Variants in CDKAL1 observed in about 807,000 individuals in gnomAD.
CDKAL1 encodes the protein threonylcarbamoyladenosine tRNA methylthiotransferase.
A neutral mutation model predicts 68.2 loss-of-function variants in CDKAL1; 32 were observed. The observed-to-expected ratio is 0.47, with a 90% CI of 0.35 to 0.63. CDKAL1 has a LOEUF of 0.63. CDKAL1 is among the 30% of genes least tolerant of loss of function. The probability of loss-of-function intolerance (pLI) is 0.00; values close to 1 mark genes in which losing one functional copy is unlikely to be tolerated. For synonymous variants in CDKAL1, 234 were observed against 244.3 expected (o/e 0.96, Z 0.39); for missense variants, 606 against 696.7 (o/e 0.87, Z 1.47).
At chr6:20,572,338 C>T (rs774603951) in intron 4 of CDKAL1, among the ~76,000 whole-genome samples, 1 of 152,166 alleles carries the variant, frequency 6.6e-6, no homozygotes, top group Non-Finnish European at 1.5e-5. Flanking sequence ...GTAACACATA[C>T]ATTTTAATGA....
rs764921425 is a variant in CDKAL1 at position 21,028,025 on chromosome 6, G to T, written c.1055+27653G>T. 9.2e-4 allele frequency among the ~76,000 whole-genome samples: 140 copies of T among 152,114 alleles called. 1 individual carries two copies. The highest frequency in any genetic ancestry group is 1.6e-4 in the Non-Finnish European group (11 of 68,028). ...TGGACTAAACACAGGAACTGAGGAG[G>T]AGTCAGAGAATCCAAGAACAAGGCA... On this transcript the variant is annotated intron_variant, in intron 11 of 15. Coordinates refer to ENST00000274695, the MANE Select transcript of CDKAL1 (RefSeq NM_017774.3).
chr6:20,563,385 A>G (rs1764339878), intron 4 of CDKAL1, among the ~76,000 whole-genome samples: 1 of 150,006 alleles, frequency 6.7e-6, no homozygotes, highest in Non-Finnish European at 1.5e-5. Flanking sequence ...CTAAGATCAA[A>G]ATTAAGCCAG....
intron 8 of CDKAL1, among the ~76,000 whole-genome samples, chr6:20,804,017 AT>A (rs1269242814): frequency 6.6e-6 from 1 of 152,198 alleles, no homozygotes. Context: ...TATTTATATC[AT>A]TGGTCAACAA....
chr6:20,868,658 G>A (rs565120372), intron 9 of CDKAL1, among the ~76,000 whole-genome samples: 3 of 152,344 alleles, frequency 2.0e-5, no homozygotes, highest in African/African-American at 4.8e-5. Context: ...GCGGAGGACC[G>A]AGGTTTGTTG....
At chr6:20,950,936 C>G (rs1368155523) in intron 9 of CDKAL1, among the ~76,000 whole-genome samples, 1 of 150,282 alleles carries the variant, frequency 6.7e-6, no homozygotes, top group African/African-American at 2.5e-5. Context: ...TGCCATTGCA[C>G]TCCAGCCTGG....
At chr6:20,568,705 A>G (rs1422134823) in intron 4 of CDKAL1, among the ~76,000 whole-genome samples, 1 of 147,094 alleles carries the variant, frequency 6.8e-6, no homozygotes, top group East Asian at 2.0e-4. Flanking sequence ...ACTGCACTCC[A>G]GCCTGGGCGA....
In CDKAL1 at chr6:21,054,758, T is replaced by G. The variant is rs567067407; in HGVS notation, c.1056-10290T>G. 5.5e-4 allele frequency among the ~76,000 whole-genome samples: 83 copies of G among 152,272 alleles called. 3 individuals are homozygous for G. Among genetic ancestry groups the G allele is most frequent in the African/African-American group, 1.9e-3 (78 of 41,584 alleles). On this transcript the variant is annotated intron_variant, in intron 11 of 15. Transcript: ENST00000274695. ...TGGAATTGGATTCTTGATTTCATTTTCAGGTTGTTCATTACTAGTATAAAA... is the reference window on the plus strand; with the variant it reads ...TGGAATTGGATTCTTGATTTCATTTGCAGGTTGTTCATTACTAGTATAAAA...
chr6:20,650,957 C>T (rs779308326), intron 5 of CDKAL1, among the ~76,000 whole-genome samples: 2 of 152,102 alleles, frequency 1.3e-5, no homozygotes, highest in Admixed American at 6.5e-5. Context: ...GTTACTGTAG[C>T]CTTGTAGTAT....
intron 15 of CDKAL1, among the ~76,000 whole-genome samples, chr6:21,216,920 G>A (rs917388777): frequency 2.0e-5 from 3 of 152,160 alleles, no homozygotes; most frequent in African/African-American, 4.8e-5. Context: ...TGGCCAGAGT[G>A]TACAGCTCCC....
intron 11 of CDKAL1, among the ~76,000 whole-genome samples, chr6:21,027,078 C>T (rs528968541): frequency 1.3e-5 from 2 of 152,210 alleles, no homozygotes; most frequent in Admixed American, 1.3e-4. Flanking sequence ...TAAACACACT[C>T]ATCTCCCAGC....
intron 4 of CDKAL1, among the ~76,000 whole-genome samples, chr6:20,641,820 TTG>T (rs1367842561): frequency 4.7e-5 from 6 of 128,412 alleles, no homozygotes; most frequent in African/African-American, 7.8e-5. Context: ...TTATATATGT[TTG>T]TGTGTGTGCG....
intron 7 of CDKAL1, among the ~76,000 whole-genome samples, chr6:20,772,149 A>G (rs1774975408): frequency 1.3e-5 from 2 of 152,192 alleles, no homozygotes; most frequent in African/African-American, 2.4e-5. Flanking sequence ...TTGGGAATAC[A>G]GGTTTGAGCA....
chr6:20,863,808 A>G, intron 9 of CDKAL1, among the ~76,000 whole-genome samples: 1 of 152,370 alleles, frequency 6.6e-6, no homozygotes, highest in East Asian at 1.9e-4. Context: ...TCATTTATAT[A>G]TGAAATGTTG....
intron 13 of CDKAL1, among the ~76,000 whole-genome samples, chr6:21,129,209 A>G (rs545119134): frequency 6.6e-6 from 1 of 151,790 alleles, no homozygotes; most frequent in Non-Finnish European, 1.5e-5. Context: ...TACTGTAACT[A>G]GATATCTGGA....
chr6:21,112,682 A>G (rs1419547908), intron 13 of CDKAL1, among the ~76,000 whole-genome samples: 1 of 152,236 alleles, frequency 6.6e-6, no homozygotes, highest in African/African-American at 2.4e-5. Context: ...AAGCAAATTC[A>G]TATATGTCAT....
At chr6:20,885,599 T>C (rs931447173) in intron 9 of CDKAL1, among the ~76,000 whole-genome samples, 1 of 152,118 alleles carries the variant, frequency 6.6e-6, no homozygotes, top group Non-Finnish European at 1.5e-5. Context: ...GATTTAACAG[T>C]GGATTCTTAG....
At chr6:20,581,212 T>C (rs546165995) in intron 4 of CDKAL1, among the ~76,000 whole-genome samples, 2 of 152,360 alleles carry the variant, frequency 1.3e-5, no homozygotes, top group East Asian at 3.9e-4. Flanking sequence ...AGTGGAGCAT[T>C]GGATGTTGTT....
chr6:21,137,917 C>T (rs1420278912), intron 13 of CDKAL1, among the ~76,000 whole-genome samples: 2 of 152,218 alleles, frequency 1.3e-5, no homozygotes, highest in African/African-American at 2.4e-5. Flanking sequence ...TCTAGAACAA[C>T]GCTCTGTGTA....
At chr6:20,538,202 T>C (rs886386241) in intron 2 of CDKAL1, among the ~76,000 whole-genome samples, 1 of 152,178 alleles carries the variant, frequency 6.6e-6, no homozygotes, top group Non-Finnish European at 1.5e-5. Context: ...TCAATACTTG[T>C]TGTTAGTGTG....
Sources: allele counts gnomAD v4.1 joint callset (sites outside exome capture counted in the v4.1 genomes callset), GRCh38; gene constraint gnomAD v4.1.1; transcripts MANE v1.5; gene names NCBI Gene and HGNC (gene_info 2026-07-23, HGNC 2026-07-21).